Variants in PIAS1 observed in about 807,000 individuals in gnomAD.
The protein encoded by PIAS1 is protein inhibitor of activated STAT 1, also known as E3 SUMO-protein ligase PIAS1.
Under a neutral mutation model 71.3 loss-of-function variants are expected in PIAS1, and 6 were observed. The observed-to-expected ratio is 0.08, with a 90% CI of 0.05 to 0.17. The LOEUF is 0.17. Ranked by LOEUF, PIAS1 falls within the 10% of genes least tolerant of loss-of-function variation. The pLI, the probability that PIAS1 is intolerant of heterozygous loss-of-function variation, is 1.00. For missense variants in PIAS1, 555 were observed against 793.6 expected, an observed-to-expected ratio of 0.70 and a Z score of 3.61; for synonymous variants, 303 against 292.9, an observed-to-expected ratio of 1.03 and a Z score of -0.35.
intron 2 of PIAS1, among the ~76,000 whole-genome samples, chr15:68,096,572 T>C (rs1345303213): frequency 6.6e-5 from 10 of 152,152 alleles, no homozygotes; most frequent in Non-Finnish European, 1.5e-4. Context: ...TTATCCTTTT[T>C]TTTATATTTT....
In PIAS1 at chr15:68,091,581, C is replaced by T. The variant is rs530085404; in HGVS notation, c.469+4831C>T. 2.0e-5 allele frequency among the ~76,000 whole-genome samples: 3 copies of T among 152,024 alleles called. No homozygotes were observed. The East Asian group carries it at 5.8e-4, about 29-fold the overall frequency. ...TAATATTTTTAATTATTTCAAAGGC[C>T]AACATGTATAGAACAGAGAGCTTTG... On this transcript the variant is annotated intron_variant, in intron 2 of 13. Coordinates refer to ENST00000249636, the MANE Select transcript of PIAS1 (RefSeq NM_016166.3).
chr15:68,153,913 A>G (rs1210631134), intron 7 of PIAS1: 5 of 329,854 alleles, frequency 1.5e-5, no homozygotes, highest in African/African-American at 1.1e-4. Context: ...AACATGGAAG[A>G]ATATTATTCT....
At chr15:68,061,166 G>A (rs1242646252) in intron 1 of PIAS1, among the ~76,000 whole-genome samples, 1 of 152,216 alleles carries the variant, frequency 6.6e-6, no homozygotes, top group Non-Finnish European at 1.5e-5. Context: ...TGATTCGTTC[G>A]ACTTTGGTCT....
rs541389572 is a variant in PIAS1, at chr15:68,192,649, C to G, written c.*4814C>G. The G allele has an allele frequency of 6.6e-6, 1 of 152,336 alleles. No homozygotes were observed. The highest frequency in any genetic ancestry group is 1.9e-4 in the East Asian group (1 of 5,184). 9.4% of individuals were successfully genotyped at this position (152,336 alleles called of 1,614,324 possible). On this transcript the variant is annotated 3_prime_UTR_variant, in exon 14 of 14. Transcript: ENST00000249636. ...AGCATCGTTGAGACAGTTGCACTAA[C>G]ACTACAACTCTTGTTCCCTGCAGTT...
At chr15:68,065,825 C>T (rs1394144630) in intron 1 of PIAS1, among the ~76,000 whole-genome samples, 6 of 135,714 alleles carry the variant, frequency 4.4e-5, no homozygotes, top group Non-Finnish European at 6.1e-5. Context: ...ACTGCAGCTT[C>T]GAACTCCTGG....
At chr15:68,076,478 C>T (rs2092166247) in intron 1 of PIAS1, among the ~76,000 whole-genome samples, 1 of 152,106 alleles carries the variant, frequency 6.6e-6, no homozygotes, top group Admixed American at 6.5e-5. Context: ...CCAGCCTGGG[C>T]GACAGAGTGA....
chr15:68,162,191 A>G (rs1478211874), intron 7 of PIAS1, among the ~76,000 whole-genome samples: 1 of 152,104 alleles, frequency 6.6e-6, no homozygotes, highest in East Asian at 1.9e-4. Flanking sequence ...GGCTATCCCT[A>G]GGTCCTATGC....
At chr15:68,158,686 T>A (rs915146737) in intron 7 of PIAS1, among the ~76,000 whole-genome samples, 1 of 152,216 alleles carries the variant, frequency 6.6e-6, no homozygotes, top group African/African-American at 2.4e-5. Flanking sequence ...TCTTGGTGCC[T>A]GTTTCTTTGC....
intron 6 of PIAS1, among the ~76,000 whole-genome samples, chr15:68,148,388 C>A (rs1567063960): frequency 6.6e-6 from 1 of 152,032 alleles, no homozygotes; most frequent in East Asian, 1.9e-4. Flanking sequence ...TAGGACTAAA[C>A]CATTCAGGGC....
In PIAS1 at chr15:68,054,589, C is replaced by T. The variant is rs2091874107; in HGVS notation, c.24+239C>T. The T allele has an allele frequency of 4.6e-6, 2 of 439,318 alleles. No homozygotes were observed. Among genetic ancestry groups the T allele is most frequent in the Non-Finnish European group, 8.1e-6 (2 of 247,614 alleles). 27.2% of individuals were successfully genotyped at this position (439,318 alleles called of 1,614,324 possible). On this transcript the variant is annotated intron_variant, in intron 1 of 13. Coordinates refer to ENST00000249636, the MANE Select transcript of PIAS1 (RefSeq NM_016166.3). The surrounding 1 kb of genome is among the most constrained non-coding windows in gnomAD (Gnocchi z 4.6). The stretch of plus-strand genomic sequence containing the variant: ...CCCGGCGTGTTATTGTTGTGGGCGC[C>T]TCTGGCGGGGGTGGCGGGGGAAGAG...
chr15:68,144,483 G>C (rs1264274416), intron 4 of PIAS1, among the ~76,000 whole-genome samples: 4 of 151,890 alleles, frequency 2.6e-5, no homozygotes, highest in Non-Finnish European at 5.9e-5. Context: ...GGGTGATTTA[G>C]ATTAGTTGAA....
At chr15:68,118,862 G>C (rs1285637382) in intron 2 of PIAS1, among the ~76,000 whole-genome samples, 4 of 152,042 alleles carry the variant, frequency 2.6e-5, no homozygotes, top group Non-Finnish European at 5.9e-5. Flanking sequence ...AAAAAACATA[G>C]GAGAAAAGCT....
Position 68,077,640 on chromosome 15 carries a change from A to G in PIAS1, c.25-8666A>G, listed in dbSNP as rs140857802. ...AACTTCATATATTAGATGGAGTTTTAGACAAGAAGATCTTTAAGTTCTGTT... is the reference window on the plus strand; with the variant it reads ...AACTTCATATATTAGATGGAGTTTTGGACAAGAAGATCTTTAAGTTCTGTT... On this transcript the variant is annotated intron_variant, in intron 1 of 13. Coordinates refer to ENST00000249636, the MANE Select transcript of PIAS1 (RefSeq NM_016166.3). Among the ~76,000 whole-genome samples the G allele has an allele frequency of 2.6e-5, 4 of 152,350 alleles. No individual in the cohort carries two copies. In the East Asian group the frequency reaches 7.7e-4, roughly 29 times the overall value.
intron 1 of PIAS1, among the ~76,000 whole-genome samples, chr15:68,064,562 CGGTTTCA>C (rs1252004863): frequency 6.6e-6 from 1 of 152,212 alleles, no homozygotes; most frequent in Non-Finnish European, 1.5e-5. Context: ...TTCATTGATA[CGGTTTCA>C]GATTCCTGCG....
At chr15:68,150,051 C>T (rs973827439) in intron 6 of PIAS1, among the ~76,000 whole-genome samples, 3 of 151,646 alleles carry the variant, frequency 2.0e-5, no homozygotes, top group Non-Finnish European at 4.4e-5. Context: ...TATCAAAATT[C>T]TTTTTGACAT....
chr15:68,063,238 A>G (rs1185574239), intron 1 of PIAS1, among the ~76,000 whole-genome samples: 1 of 152,222 alleles, frequency 6.6e-6, no homozygotes, highest in Non-Finnish European at 1.5e-5. Flanking sequence ...CCTGTTTTTA[A>G]AAAAGCTCAT....
intron 1 of PIAS1, chr15:68,056,029 G>A (rs1331004336): frequency 9.5e-6 from 6 of 633,148 alleles, no homozygotes; most frequent in Non-Finnish European, 1.7e-5. Context: ...ACTATTGACT[G>A]AAATGAGAAA....
At chr15:68,122,401 T>C (rs751169520) in intron 2 of PIAS1, among the ~76,000 whole-genome samples, 2 of 152,170 alleles carry the variant, frequency 1.3e-5, no homozygotes, top group African/African-American at 4.8e-5. Context: ...GAAGAATCAC[T>C]TGTGAGCCAG....
In PIAS1 at chr15:68,192,273, A is replaced by T. The variant is rs2093123810; in HGVS notation, c.*4438A>T. On this transcript the variant is annotated 3_prime_UTR_variant, in exon 14 of 14. Transcript: ENST00000249636. Reference sequence around the variant, plus strand: ...AGTTCTCTCGGCGGGGCCAGCATCTAACCGGCCCTCTGGTGGATTTACCAT... The same window carrying T: ...AGTTCTCTCGGCGGGGCCAGCATCTTACCGGCCCTCTGGTGGATTTACCAT... The T allele has an allele frequency of 6.6e-6, 1 of 152,166 alleles. No individual in the cohort carries two copies. Among genetic ancestry groups the T allele is most frequent in the African/African-American group, 2.4e-5 (1 of 41,430 alleles). 9.4% of individuals were successfully genotyped at this position (152,166 alleles called of 1,614,324 possible).
Sources: gnomAD v4.1 joint callset for allele counts (sites outside exome capture counted in the v4.1 genomes callset) on GRCh38, gnomAD v4.1.1 for gene constraint, Gnocchi (gnomAD v3.1) non-coding constraint, MANE v1.5 for transcripts, NCBI Gene and HGNC (gene_info 2026-07-23, HGNC 2026-07-21) for gene names.